The following SCLT1 variants were observed in gnomAD, a reference collection of about 807,000 sequenced individuals.
SCLT1 encodes the protein sodium channel-associated protein 1.
In SCLT1, 78 loss-of-function variants were observed where a neutral mutation model predicts 112.8. The observed-to-expected ratio is 0.69, with a 90% confidence interval of 0.58 to 0.83. The LOEUF is 0.83. Among genes scored for constraint, SCLT1 ranks in the 40% least tolerant of loss-of-function variants. The probability of loss-of-function intolerance (pLI) is 0.00; values close to 1 mark genes in which losing one functional copy is unlikely to be tolerated. For missense variants in SCLT1, 747 were observed against 770.4 expected (o/e 0.97, Z 0.36); for synonymous variants, 257 against 254.7 (o/e 1.01, Z -0.09).
intron 10 of SCLT1, among the ~76,000 whole-genome samples, chr4:128,969,661 G>A (rs1206234082): frequency 1.3e-5 from 2 of 152,160 alleles, no homozygotes; most frequent in Non-Finnish European, 2.9e-5. Flanking sequence ...ATACAAAGGT[G>A]TTTTCTGAAG....
chr4:129,027,493 C>T (rs1481640787), intron 5 of SCLT1, among the ~76,000 whole-genome samples: 2 of 152,164 alleles, frequency 1.3e-5, no homozygotes, highest in Non-Finnish European at 2.9e-5. Flanking sequence ...ATGCCAAAAA[C>T]TCTCAATAAA....
At chr4:129,026,938 C>A (rs1278190834) in intron 5 of SCLT1, among the ~76,000 whole-genome samples, 1 of 151,996 alleles carries the variant, frequency 6.6e-6, no homozygotes, top group East Asian at 1.9e-4. Flanking sequence ...TGCAAATAAA[C>A]TAGAAAATCT....
intron 19 of SCLT1, among the ~76,000 whole-genome samples, 200 bp from the exon 20 acceptor site, chr4:128,888,974 C>T (rs969551694): frequency 2.0e-5 from 3 of 152,148 alleles, no homozygotes; most frequent in African/African-American, 4.8e-5. Flanking sequence ...TTTTCTTTCT[C>T]CCACATGCCA....
At chr4:128,954,837 G>A (rs1739086978) in intron 13 of SCLT1, among the ~76,000 whole-genome samples, 1 of 152,076 alleles carries the variant, frequency 6.6e-6, no homozygotes, top group Non-Finnish European at 1.5e-5. Flanking sequence ...GAAGACTGAG[G>A]CAGAGAAATT....
In SCLT1 at chr4:129,000,398, A is replaced by T. The variant is rs72924122; in HGVS notation, c.427-604T>A. ...GGGCTATTTTTACTTGCCATTTTAT[A>T]ATGATTTTATAATTATAATTTTCTC... is the stretch of plus-strand genomic sequence containing the variant. On this transcript the variant is annotated intron_variant, in intron 6 of 20. Coordinates refer to ENST00000281142, the MANE Select transcript of SCLT1 (RefSeq NM_144643.4). Among the ~76,000 whole-genome samples, 718 of 152,078 alleles carry T rather than the reference A, an allele frequency of 4.7e-3. 4 individuals carry two copies. Among genetic ancestry groups the T allele is most frequent in the African/African-American group, 0.016 (658 of 41,538 alleles).
chr4:128,887,980 CATAATTCT>C (rs886273298), intron 20 of SCLT1, among the ~76,000 whole-genome samples: 9 of 152,204 alleles, frequency 5.9e-5, no homozygotes, highest in South Asian at 2.1e-4. Context: ...TTAGATAGGA[CATAATTCT>C]AGAGCAGTGT....
chr4:128,948,413 G>A (rs1352319722), intron 15 of SCLT1, 83 bp downstream of exon 15: 2 of 1,469,736 alleles, frequency 1.4e-6, no homozygotes, highest in Non-Finnish European at 1.8e-6. Flanking sequence ...GGAATTGCTA[G>A]TAGATGGCAT....
chr4:129,075,946 C>T (rs996372647), intron 2 of SCLT1, among the ~76,000 whole-genome samples: 2 of 152,112 alleles, frequency 1.3e-5, no homozygotes, highest in African/African-American at 2.4e-5. Context: ...TGCCTCAAGG[C>T]CCCTTCTTGG....
chr4:128,921,783 A>G (rs1315075296), intron 18 of SCLT1, among the ~76,000 whole-genome samples: 1 of 152,218 alleles, frequency 6.6e-6, no homozygotes, highest in Non-Finnish European at 1.5e-5. Context: ...AACAAAAATA[A>G]AAGTTGACAT....
intron 18 of SCLT1, among the ~76,000 whole-genome samples, chr4:128,923,639 G>T (rs1579388397): frequency 6.7e-6 from 1 of 149,744 alleles, no homozygotes; most frequent in African/African-American, 2.5e-5. Context: ...TTCTATATCT[G>T]TTTTTTTTTC....
chr4:129,046,863 T>C (rs1748231621), intron 2 of SCLT1, among the ~76,000 whole-genome samples: 1 of 152,122 alleles, frequency 6.6e-6, no homozygotes, highest in African/African-American at 2.4e-5. Flanking sequence ...GTGGATATAG[T>C]AGTATTTCAT....
chr4:129,019,365 T>C (rs1333666682), intron 5 of SCLT1, among the ~76,000 whole-genome samples: 1 of 152,204 alleles, frequency 6.6e-6, no homozygotes, highest in Non-Finnish European at 1.5e-5. Context: ...CAACAAAAGA[T>C]GCACCATTCT....
In SCLT1 at chr4:128,992,195, T is replaced by C; in HGVS notation, c.658A>G (p.Ile220Val). ...FLKTVTEQSV[I>V]IEQLRKKLRQ... ...AGTTTTTTTCGGAGTTGTTCGATTA[T>C]CACACTTTGTTCAGTTACTGTTTTC... Residue 220 changes from isoleucine to valine, a missense_variant, in exon 9 of 21, where the codon ATA becomes GTA. Ile to Val is a conservative substitution (Grantham distance 29). Transcript: ENST00000281142. 1.3e-6 allele frequency: 2 copies of C among 1,599,060 alleles called. No homozygotes were observed. Among genetic ancestry groups the C allele is most frequent in the Non-Finnish European group, 1.7e-6 (2 of 1,172,036 alleles).
chr4:129,067,749 C>T (rs1251724409), intron 2 of SCLT1, among the ~76,000 whole-genome samples: 9 of 151,672 alleles, frequency 5.9e-5, no homozygotes, highest in Admixed American at 3.3e-4. Context: ...TGACCTCAAG[C>T]GATCCACCTG....
At chr4:129,037,407 T>C (rs1747278848) in intron 5 of SCLT1, 1 of 152,168 alleles carries the variant, frequency 6.6e-6, no homozygotes, top group Non-Finnish European at 1.5e-5. Context: ...ATATAAAAGG[T>C]AGAAGTGAGC....
At chr4:129,050,007 GTGTTAGTT>G (rs1372170857) in intron 2 of SCLT1, among the ~76,000 whole-genome samples, 4 of 152,044 alleles carry the variant, frequency 2.6e-5, no homozygotes, top group Non-Finnish European at 2.9e-5. Context: ...TTCTGTTCCT[GTGTTAGTT>G]TGCTGAGGAG....
intron 11 of SCLT1, among the ~76,000 whole-genome samples, chr4:128,961,153 T>C (rs1739693960): frequency 6.6e-6 from 1 of 152,092 alleles, no homozygotes; most frequent in South Asian, 2.1e-4. Context: ...CCTTCATCCA[T>C]AGATTGTCAG....
At chr4:129,046,102 T>C (rs1242271947) in intron 2 of SCLT1, among the ~76,000 whole-genome samples, 1 of 152,164 alleles carries the variant, frequency 6.6e-6, no homozygotes, top group East Asian at 1.9e-4. Flanking sequence ...AGTATACAGC[T>C]AAATAATTCT....
intron 2 of SCLT1, among the ~76,000 whole-genome samples, chr4:129,081,038 G>A (rs1008215022): frequency 6.6e-6 from 1 of 152,034 alleles, no homozygotes; most frequent in Non-Finnish European, 1.5e-5. Flanking sequence ...GTTGCCCAGG[G>A]AGATAACACT....
Sources: allele counts gnomAD v4.1 joint callset (sites outside exome capture counted in the v4.1 genomes callset), GRCh38; gene constraint gnomAD v4.1.1; transcripts MANE v1.5; gene names NCBI Gene and HGNC (gene_info 2026-07-23, HGNC 2026-07-21).